The following KCNIP4 variants were observed in gnomAD, a reference collection of about 807,000 sequenced individuals.
The protein encoded by KCNIP4 is potassium voltage-gated channel interacting protein 4.
A neutral mutation model predicts 34.0 loss-of-function variants in KCNIP4; 12 were observed. The observed-to-expected ratio is 0.35, with a 90% CI of 0.23 to 0.57. The LOEUF (loss-of-function observed/expected upper bound fraction) is 0.57. Among genes scored for constraint, KCNIP4 ranks in the 20% least tolerant of loss-of-function variants. KCNIP4 has a pLI of 0.83. For synonymous variants in KCNIP4, 124 were observed against 102.2 expected, an observed-to-expected ratio of 1.21 and a Z score of -1.29; for missense variants, 238 against 311.7, an observed-to-expected ratio of 0.76 and a Z score of 1.78.
At chr4:21,395,499 G>C (rs1722908933) in intron 1 of KCNIP4, among the ~76,000 whole-genome samples, 1 of 151,968 alleles carries the variant, frequency 6.6e-6, no homozygotes, top group Non-Finnish European at 1.5e-5. Context: ...TAGCTTGCTA[G>C]TTCATTTATT....
intron 1 of KCNIP4, among the ~76,000 whole-genome samples, chr4:21,303,088 A>G (rs1026718332): frequency 2.0e-5 from 3 of 152,240 alleles, no homozygotes; most frequent in Non-Finnish European, 4.4e-5. Context: ...TCCCAGAGAA[A>G]CATTTAATTT....
At chr4:21,869,207 A>ATT (rs1285767764) in intron 1 of KCNIP4, among the ~76,000 whole-genome samples, 2 of 151,676 alleles carry the variant, frequency 1.3e-5, no homozygotes, top group African/African-American at 4.8e-5. Context: ...TTCTACCCCA[A>ATT]TTTTCTCCTC....
chr4:21,092,119 C>T (rs760455041), intron 1 of KCNIP4, among the ~76,000 whole-genome samples: 1 of 152,038 alleles, frequency 6.6e-6, no homozygotes, highest in Non-Finnish European at 1.5e-5. Flanking sequence ...TCCCATGTAT[C>T]TGTGAAATGA....
intron 1 of KCNIP4, among the ~76,000 whole-genome samples, chr4:21,025,288 C>T (rs1411268901): frequency 6.6e-6 from 1 of 152,072 alleles, no homozygotes; most frequent in Non-Finnish European, 1.5e-5. Flanking sequence ...GTGGTCAGAA[C>T]TCAGGAGATG....
At chr4:21,148,725 G>A (rs1380165865) in intron 1 of KCNIP4, among the ~76,000 whole-genome samples, 5 of 150,746 alleles carry the variant, frequency 3.3e-5, no homozygotes, top group African/African-American at 7.3e-5. Flanking sequence ...ATTAAGAAAG[G>A]CCAAGTAAAG....
In KCNIP4 at chr4:21,122,171, C is replaced by G. The variant is rs538870365; in HGVS notation, c.62-239462G>C. ...AGAAAGTGGGGCTAATTTTGCAGAT[C>G]AAGTTTTTTTTTTTTTTAAGTGCGT... On this transcript the variant is annotated intron_variant, in intron 1 of 8. Transcript: ENST00000382152. Among the ~76,000 whole-genome samples the G allele has an allele frequency of 1.4e-3, 196 of 140,950 alleles. 1 individual carries two copies. Among genetic ancestry groups the G allele is most frequent in the Middle Eastern group, 3.8e-3 (1 of 260 alleles). 92.5% of individuals were successfully genotyped at this position (140,950 alleles called of 152,430 possible).
At chr4:20,825,225 G>A (rs1045583459) in intron 3 of KCNIP4, among the ~76,000 whole-genome samples, 5 of 113,620 alleles carry the variant, frequency 4.4e-5, no homozygotes, top group East Asian at 2.8e-4. Flanking sequence ...TCAATTTTAC[G>A]TTTTTTTTTT....
intron 1 of KCNIP4, among the ~76,000 whole-genome samples, chr4:21,305,363 T>A (rs536212106): frequency 6.6e-6 from 1 of 152,298 alleles, no homozygotes; most frequent in African/African-American, 2.4e-5. Flanking sequence ...AATGTCCTCA[T>A]CTATGAAGAG....
intron 1 of KCNIP4, among the ~76,000 whole-genome samples, chr4:21,660,150 T>C (rs1232297391): frequency 6.6e-6 from 1 of 152,148 alleles, no homozygotes; most frequent in Admixed American, 6.5e-5. Context: ...ATATCTTCCC[T>C]ATCCTGTGTA....
chr4:20,872,032 C>T (rs1009574276), intron 2 of KCNIP4, among the ~76,000 whole-genome samples: 6 of 152,154 alleles, frequency 3.9e-5, no homozygotes, highest in South Asian at 4.2e-4. Context: ...TATATCATAG[C>T]GATGAATCCA....
intron 1 of KCNIP4, among the ~76,000 whole-genome samples, chr4:21,067,223 C>G (rs755148999): frequency 1.3e-5 from 2 of 152,204 alleles, no homozygotes; most frequent in South Asian, 2.1e-4. Flanking sequence ...GCTAAAGAAC[C>G]CTTGGGCCCT....
intron 1 of KCNIP4, among the ~76,000 whole-genome samples, chr4:21,829,177 T>A (rs1722836550): frequency 1.3e-5 from 2 of 152,058 alleles, no homozygotes; most frequent in South Asian, 4.1e-4. Context: ...GGTTATTGAT[T>A]TCAATAGAAA....
At chr4:21,325,270 A>G (rs1714918703) in intron 1 of KCNIP4, among the ~76,000 whole-genome samples, 1 of 150,984 alleles carries the variant, frequency 6.6e-6, no homozygotes, top group Admixed American at 6.6e-5. Flanking sequence ...TACATCTTTG[A>G]TCTTGGTACT....
chr4:20,873,952 AG>A (rs975408411), intron 2 of KCNIP4, among the ~76,000 whole-genome samples: 1 of 152,138 alleles, frequency 6.6e-6, no homozygotes, highest in African/African-American at 2.4e-5. Context: ...TCTTCTCCAG[AG>A]GGCCCTGCTG....
At chr4:20,944,430 A>C (rs535767807) in intron 1 of KCNIP4, among the ~76,000 whole-genome samples, 7 of 152,160 alleles carry the variant, frequency 4.6e-5, no homozygotes, top group African/African-American at 1.7e-4. Context: ...ATGATTACAC[A>C]CCCCTCCATG....
intron 1 of KCNIP4, among the ~76,000 whole-genome samples, chr4:21,517,775 TA>T (rs990300762): frequency 6.6e-6 from 1 of 152,132 alleles, no homozygotes; most frequent in African/African-American, 2.4e-5. Flanking sequence ...AACAAAAGGT[TA>T]AAGAAACAAT....
intron 3 of KCNIP4, among the ~76,000 whole-genome samples, chr4:20,779,897 G>A (rs1030001710): frequency 1.3e-5 from 2 of 152,158 alleles, no homozygotes; most frequent in Non-Finnish European, 2.9e-5. Context: ...GCATGGCCCT[G>A]CTAACACCTT....
intron 1 of KCNIP4, among the ~76,000 whole-genome samples, chr4:21,182,154 C>G (rs1006695000): frequency 1.1e-4 from 16 of 152,082 alleles, no homozygotes; most frequent in Non-Finnish European, 1.8e-4. Context: ...AACAGGAGAC[C>G]TAGCCAAGGG....
chr4:21,884,749 C>T (rs189435879), intron 1 of KCNIP4, among the ~76,000 whole-genome samples: 168 of 152,202 alleles, frequency 1.1e-3, no homozygotes, highest in African/African-American at 3.6e-3. Flanking sequence ...AACATCATCA[C>T]TTGCTACTGT....
Sources: gnomAD v4.1 joint callset for allele counts (sites outside exome capture counted in the v4.1 genomes callset) on GRCh38, gnomAD v4.1.1 for gene constraint, MANE v1.5 for transcripts, NCBI Gene and HGNC (gene_info 2026-07-23, HGNC 2026-07-21) for gene names.